The following RBBP8 variants were observed in gnomAD, a reference collection of about 807,000 sequenced individuals.
RBBP8 encodes RB binding protein 8, endonuclease.
RBBP8 carries 88 observed loss-of-function variants against 108.3 expected under a neutral mutation model. That is an observed-to-expected ratio of 0.81 (90% confidence interval 0.68 to 0.97). The LOEUF is 0.97. RBBP8 is among the 50% of genes least tolerant of loss of function. RBBP8 has a pLI of 0.00. For missense variants in RBBP8, 1,023 were observed against 1,049.0 expected (o/e 0.98, Z 0.34); for synonymous variants, 332 against 348.2 (o/e 0.95, Z 0.52).
In RBBP8 at chr18:23,026,374, T is replaced by C; in HGVS notation, c.*134T>C. ...ATAAATCAGTTTTCTATTGAAAATG[T>C]TTGTGATATTTTGCTTTTGCACCTT... is the stretch of plus-strand genomic sequence containing the variant. On this transcript the variant is annotated 3_prime_UTR_variant, in exon 19 of 19. Transcript: ENST00000327155. 1 of 850,516 alleles carries C rather than the reference T, an allele frequency of 1.2e-6. No individual in the cohort carries two copies. Among genetic ancestry groups the C allele is most frequent in the East Asian group, 2.8e-5 (1 of 36,004 alleles). The allele number at this position is 850,516 out of a possible 1,614,324, so 52.7% of individuals were successfully genotyped here.
In RBBP8 at chr18:22,947,813, C is replaced by T. The variant is rs555513179; in HGVS notation, c.152+1327C>T. Among the ~76,000 whole-genome samples the T allele has an allele frequency of 4.6e-5, 7 of 152,186 alleles. No individual in the cohort carries two copies. In the South Asian group the frequency reaches 1.4e-3, roughly 32 times the overall value. The stretch of plus-strand genomic sequence containing the variant: ...ATTATTTCTGCAATTAGTAAATGCT[C>T]TTTATGTTACCACTTTCTTGACCTG... On this transcript the variant is annotated intron_variant, in intron 3 of 18. Transcript: ENST00000327155.
chr18:23,001,872 ATT>A, intron 15 of RBBP8, 143 bp downstream of exon 15: 1 of 1,220,024 alleles, frequency 8.2e-7, no homozygotes, highest in Non-Finnish European at 1.1e-6. Flanking sequence ...GGTTTTTAAA[ATT>A]TTGAGATAAT....
chr18:22,994,782 G>A (rs2045825539), intron 12 of RBBP8, among the ~76,000 whole-genome samples: 1 of 151,940 alleles, frequency 6.6e-6, no homozygotes, highest in Non-Finnish European at 1.5e-5. Flanking sequence ...GGAGTGCAGT[G>A]GCATGATCAC....
chr18:22,993,875 C>G, intron 12 of RBBP8, 28 bp downstream of exon 12: 1 of 1,601,820 alleles, frequency 6.2e-7, no homozygotes, highest in Non-Finnish European at 8.6e-7. Context: ...AGGATCTCCA[C>G]TTTTTTAATG....
intron 3 of RBBP8, among the ~76,000 whole-genome samples, chr18:22,919,496 T>C (rs924242274): frequency 3.3e-5 from 5 of 152,230 alleles, no homozygotes; most frequent in African/African-American, 1.2e-4. Flanking sequence ...TGTATGTAGA[T>C]GGTGTGCAGA....
At chr18:23,006,095 AGGAT>A (rs1484754338) in intron 15 of RBBP8, among the ~76,000 whole-genome samples, 1 of 152,014 alleles carries the variant, frequency 6.6e-6, no homozygotes, top group East Asian at 1.9e-4. Flanking sequence ...CTGAGGCAAG[AGGAT>A]GGCGTGAACC....
intron 8 of RBBP8, among the ~76,000 whole-genome samples, chr18:22,988,513 C>G (rs971469112): frequency 1.3e-5 from 2 of 152,198 alleles, no homozygotes; most frequent in East Asian, 3.8e-4. Flanking sequence ...TTCCTTCTCT[C>G]GAGTCAGCTT....
intron 5 of RBBP8, among the ~76,000 whole-genome samples, chr18:22,973,876 C>T (rs558976369): frequency 2.6e-4 from 40 of 152,224 alleles, no homozygotes; most frequent in African/African-American, 8.9e-4. Context: ...TTGTACTTCT[C>T]GATTGCCCTT....
intron 3 of RBBP8, among the ~76,000 whole-genome samples, chr18:22,922,712 G>A (rs912910251): frequency 2.0e-5 from 3 of 152,126 alleles, no homozygotes; most frequent in African/African-American, 7.2e-5. Flanking sequence ...CAATCCGCCT[G>A]CCTTGACCTC....
intron 17 of RBBP8, among the ~76,000 whole-genome samples, chr18:23,021,485 T>C (rs1430086229): frequency 6.6e-6 from 1 of 152,238 alleles, no homozygotes; most frequent in Non-Finnish European, 1.5e-5. Flanking sequence ...TCACTAAGTC[T>C]AGGCCTTAAA....
At chr18:22,986,610 G>A (rs928762356) in intron 8 of RBBP8, among the ~76,000 whole-genome samples, 3 of 152,088 alleles carry the variant, frequency 2.0e-5, no homozygotes, top group Non-Finnish European at 4.4e-5. Context: ...TATGTTGATA[G>A]GATGATCAAG....
At chr18:23,021,432 C>T (rs865992427) in intron 17 of RBBP8, among the ~76,000 whole-genome samples, 2 of 152,162 alleles carry the variant, frequency 1.3e-5, no homozygotes, top group Admixed American at 6.5e-5. Context: ...AAAAGTGATT[C>T]TGTCATCTAT....
At chr18:22,991,241 G>A (rs1402265063) in intron 10 of RBBP8, among the ~76,000 whole-genome samples, 192 bp downstream of exon 10, 2 of 152,146 alleles carry the variant, frequency 1.3e-5, no homozygotes, top group African/African-American at 4.8e-5. Flanking sequence ...GTAGAAAGGT[G>A]GATATCATTT....
At chr18:22,948,369 T>A (rs1911749032) in intron 3 of RBBP8, among the ~76,000 whole-genome samples, 1 of 151,734 alleles carries the variant, frequency 6.6e-6, no homozygotes, top group African/African-American at 2.4e-5. Context: ...GTAGGAAATA[T>A]TTTATTTATT....
At chr18:23,014,325 G>C (rs1023328502) in intron 16 of RBBP8, among the ~76,000 whole-genome samples, 84 of 152,258 alleles carry the variant, frequency 5.5e-4, no homozygotes, top group African/African-American at 1.9e-3. Flanking sequence ...AGTTTGTAAG[G>C]CTATCCCTGC....
At chr18:22,944,237 A>G (rs952924547) in intron 2 of RBBP8, among the ~76,000 whole-genome samples, 11 of 152,262 alleles carry the variant, frequency 7.2e-5, no homozygotes, top group African/African-American at 2.7e-4. Context: ...GATCTACGTG[A>G]CAGAACAAAT....
intron 3 of RBBP8, chr18:22,920,658 T>C (rs1334437194): frequency 6.6e-6 from 1 of 152,214 alleles, no homozygotes; most frequent in Non-Finnish European, 1.5e-5. Context: ...TTAAGAAATA[T>C]AAGATTGATT....
chr18:22,957,918 A>G (rs1341724597), intron 4 of RBBP8, among the ~76,000 whole-genome samples: 1 of 152,180 alleles, frequency 6.6e-6, no homozygotes, highest in Non-Finnish European at 1.5e-5. Flanking sequence ...CCTCTCCTGT[A>G]TTTGAAAAGT....
Position 22,918,565 on chromosome 18 carries a change from A to C in RBBP8, c.-154+1539A>C, listed in dbSNP as rs535405772. ...AGCATTTGTGTTCCACTGCTGATCAAAACACTGCTATTCAGTGCATGGCTG... is the reference window on the plus strand; with the variant it reads ...AGCATTTGTGTTCCACTGCTGATCACAACACTGCTATTCAGTGCATGGCTG... On this transcript the variant is annotated intron_variant, in intron 3 of 4. Coordinates refer to the RBBP8 transcript ENST00000577588. Among the ~76,000 whole-genome samples, 40 of 152,344 alleles carry C rather than the reference A, an allele frequency of 2.6e-4. No individual in the cohort carries two copies. In the South Asian group the frequency reaches 8.3e-3, roughly 32 times the overall value.
Sources: allele counts gnomAD v4.1 joint callset (sites outside exome capture counted in the v4.1 genomes callset), GRCh38; gene constraint gnomAD v4.1.1; transcripts MANE v1.5; gene names NCBI Gene and HGNC (gene_info 2026-07-23, HGNC 2026-07-21).